The following SPATA46 variants were observed in gnomAD, a reference collection of about 807,000 sequenced individuals.
SPATA46 encodes spermatogenesis-associated protein 46.
A neutral mutation model predicts 6.2 loss-of-function variants in SPATA46; 3 were observed. The ratio of observed to expected loss-of-function variants is 0.48; its 90% confidence interval spans 0.22 to 1.25. The LOEUF (loss-of-function observed/expected upper bound fraction) is 1.25, where lower values mean the gene tolerates loss of function less well. SPATA46 is among the 50% of genes most tolerant of loss of function. The pLI, the probability that SPATA46 is intolerant of heterozygous loss-of-function variation, is 0.20. For missense variants in SPATA46, 308 were observed against 323.5 expected (o/e 0.95, Z 0.37); for synonymous variants, 117 against 123.3 (o/e 0.95, Z 0.34).
chr1:162,375,177 C>T (rs2101840923), intron 2 of SPATA46, 113 bp downstream of exon 2: 5 of 897,872 alleles, frequency 5.6e-6, no homozygotes, highest in East Asian at 2.4e-5. Context: ...CTGCAGGTGA[C>T]AAGACCGCGC....
chr1:162,374,234 G>A lies in SPATA46; in HGVS notation c.600C>T (p.Ser200=), dbSNP rs1383696811. 6.2e-7 allele frequency: 1 copy of A among 1,613,870 alleles called. No homozygotes were observed. The highest frequency in any genetic ancestry group is 8.5e-7 in the Non-Finnish European group (1 of 1,179,782). Residue 200 remains serine, a synonymous_variant, in exon 3 of 3, where the codon AGC becomes AGT. Transcript: ENST00000367935. The part of the protein sequence containing the change: ...RMYPTLDFLK[S]HIKRGFREGF... ...CCTCCCTGAAGCCCCTCTTGATGTG[G>A]CTCTTGAGGAAGTCCAGGGTGGGGT...
Position 162,375,350 on chromosome 1 carries a change from G to A in SPATA46, c.157C>T (p.Pro53Ser). ...TEASSPAQAL[P>S]PQYQSIIVRQ... The stretch of plus-strand genomic sequence containing the variant: ...ACAATGATGCTTTGGTACTGGGGTG[G>A]CAGGGCCTGAGCTGGGCTGGATGCC... The change falls in exon 2 of 3, where the codon CCA (proline) becomes TCA (serine). Residue 53 changes from proline (P) to serine (S), a missense_variant. Physicochemically the swap from Pro to Ser is moderately conservative, Grantham distance 74. Transcript: ENST00000367935. 6.2e-7 allele frequency: 1 copy of A among 1,614,134 alleles called. No individual in the cohort carries two copies. The highest frequency in any genetic ancestry group is 8.5e-7 in the Non-Finnish European group (1 of 1,180,022).
chr1:162,375,769 C>T (rs1647638816), intron 1 of SPATA46, among the ~76,000 whole-genome samples: 1 of 152,182 alleles, frequency 6.6e-6, no homozygotes, highest in African/African-American at 2.4e-5. Context: ...TCACAGGCTG[C>T]AGAGCAATGT....
Position 162,374,514 on chromosome 1 carries a change from T to C in SPATA46, c.320A>G (p.Lys107Arg), listed in dbSNP as rs1283882099. ...GTCATAGGCCTCCAGCTGGCTCTCTTTGTCTGCACACACGAAGTAGCTGTA... is the reference window on the plus strand; with the variant it reads ...GTCATAGGCCTCCAGCTGGCTCTCTCTGTCTGCACACACGAAGTAGCTGTA... ...SPYSYFVCADKESQLEAYDFP... is the reference protein window; with the variant it reads ...SPYSYFVCADRESQLEAYDFP... Residue 107 changes from lysine to arginine, a missense_variant, in exon 3 of 3, where the codon AAA (lysine) becomes AGA (arginine). Physicochemically the swap from Lys to Arg is conservative, Grantham distance 26 (BLOSUM62 2). Transcript: ENST00000367935. The C allele has an allele frequency of 1.9e-6, 3 of 1,614,052 alleles. No individual in the cohort carries two copies. The South Asian group carries it at 3.3e-5, about 18-fold the overall frequency.
chr1:162,376,320 A>G (rs1050906679), intron 1 of SPATA46, among the ~76,000 whole-genome samples: 1 of 152,096 alleles, frequency 6.6e-6, no homozygotes, highest in African/African-American at 2.4e-5. Flanking sequence ...CCACCTTGAG[A>G]TTTCATGCAC....
In SPATA46 at chr1:162,373,290, G is replaced by A. The variant is rs180795238; in HGVS notation, c.*758C>T. 1 of 152,362 alleles carries A rather than the reference G, an allele frequency of 6.6e-6. No homozygotes were observed. Among genetic ancestry groups the A allele is most frequent in the Admixed American group, 6.5e-5 (1 of 15,308 alleles). 9.4% of individuals were successfully genotyped at this position (152,362 alleles called of 1,614,324 possible). Reference sequence around the variant, plus strand: ...AGGTTCACTCAGAAATGGAGGCAGAGTCAGGGCTGCCCACTGGACACATTA... The same window carrying A: ...AGGTTCACTCAGAAATGGAGGCAGAATCAGGGCTGCCCACTGGACACATTA... On this transcript the variant is annotated 3_prime_UTR_variant, in exon 3 of 3. Transcript: ENST00000367935.
At position 162,375,300 on chromosome 1, in the gene SPATA46, C is replaced by T. The variant is rs760949408; in HGVS notation, c.207G>A (p.Ala69=). The T allele has an allele frequency of 6.2e-7, 1 of 1,612,948 alleles. No individual in the cohort carries two copies. The highest frequency in any genetic ancestry group is 1.3e-5 in the African/African-American group (1 of 74,892). The change falls in exon 2 of 3, where the codon GCG becomes GCA. Residue 69 remains alanine, a synonymous_variant. Coordinates refer to ENST00000367935, the MANE Select transcript of SPATA46 (RefSeq NM_182581.4). ...IIVRQGIQNT[A]LSPDCSLGDT... ...CAGAGAAGTCCTCACCTGGTGAGAG[C>T]GCTGTGTTCTGTATCCCTTGCCTGA...
rs766797888 is a variant in SPATA46 at position 162,374,619 on chromosome 1, G to A, written c.218-3C>T. On this transcript the variant is annotated splice_region_variant and splice_polypyrimidine_tract_variant and intron_variant, in intron 2 of 2. Coordinates refer to ENST00000367935, the MANE Select transcript of SPATA46 (RefSeq NM_182581.4). ...CTGGGTATCCCCCAAGCTGCAGTCT[G>A]CAAAGGAAAGGACCAGGTCTGAGTC... 1.3e-5 allele frequency: 21 copies of A among 1,603,670 alleles called. No homozygotes were observed. The East Asian group carries it at 4.2e-4, about 32-fold the overall frequency.
intron 1 of SPATA46, among the ~76,000 whole-genome samples, chr1:162,376,346 A>T (rs542557741): frequency 7.2e-5 from 11 of 151,954 alleles, no homozygotes; most frequent in South Asian, 2.1e-4. Flanking sequence ...AGGGGGAAAA[A>T]CTTGATGATA....
rs1411045753 is a variant in SPATA46, at chr1:162,373,210, A to T, written c.*838T>A. 6.6e-6 allele frequency: 1 copy of T among 152,182 alleles called. No homozygotes were observed. The highest frequency in any genetic ancestry group is 2.4e-5 in the African/African-American group (1 of 41,430). The allele number at this position is 152,182 out of a possible 1,614,324, so 9.4% of individuals were successfully genotyped here. Reference sequence around the variant, plus strand: ...AAAAACCACATTACAGTCAAGATAGATGTCTCTGCTGCATCCCTGATGCTT... The same window carrying T: ...AAAAACCACATTACAGTCAAGATAGTTGTCTCTGCTGCATCCCTGATGCTT... On this transcript the variant is annotated 3_prime_UTR_variant, in exon 3 of 3. Coordinates refer to ENST00000367935, the MANE Select transcript of SPATA46 (RefSeq NM_182581.4).
intron 1 of SPATA46, 55 bp from the exon 2 acceptor site, chr1:162,375,458 G>A: frequency 6.9e-7 from 1 of 1,440,214 alleles, no homozygotes; most frequent in Admixed American, 1.7e-5. Context: ...TCCACTTTCT[G>A]GGACTCCCCC....
At position 162,375,395 on chromosome 1, in the gene SPATA46, T is replaced by C; in HGVS notation, c.112A>G (p.Lys38Glu). Residue 38 changes from lysine (K) to glutamate (E), a missense_variant, in exon 2 of 3, where the codon AAG becomes GAG. Lys to Glu is a moderately conservative substitution (Grantham distance 56). Coordinates refer to ENST00000367935, the MANE Select transcript of SPATA46 (RefSeq NM_182581.4). ...SRATSLPDIA[K>E]TAVPTEASSP... ...GATGCCTCAGTGGGTACTGCTGTCT[T>C]TGCAATGTCTGGGTTATAGAAGAAA... 8 of 1,613,844 alleles carry C rather than the reference T, an allele frequency of 5.0e-6. No individual in the cohort carries two copies. The highest frequency in any genetic ancestry group is 6.8e-6 in the Non-Finnish European group (8 of 1,179,808).
chr1:162,374,907 C>A (rs949137006), intron 2 of SPATA46, among the ~76,000 whole-genome samples: 4 of 152,184 alleles, frequency 2.6e-5, no homozygotes, highest in African/African-American at 7.2e-5. Context: ...CCTGGAGACA[C>A]CATGTCCACT....
At position 162,374,153 on chromosome 1, in the gene SPATA46, C is replaced by T. The variant is rs1403392398; in HGVS notation, c.681G>A (p.Gln227=). Residue 227 remains glutamine (Q), a synonymous_variant, in exon 3 of 3, where the codon CAG becomes CAA. Transcript: ENST00000367935. Reference sequence around the variant, plus strand: ...AGAGCCTGTCTCCCAGCCGGGCCTTCTGCTCCTTGCTCCAGAGGGCTTTGA... The same window carrying T: ...AGAGCCTGTCTCCCAGCCGGGCCTTTTGCTCCTTGCTCCAGAGGGCTTTGA... ...RKLKALWSKE[Q]KARLGDRLSS... 12 of 1,614,156 alleles carry T rather than the reference C, an allele frequency of 7.4e-6. No homozygotes were observed. The highest frequency in any genetic ancestry group is 9.3e-6 in the Non-Finnish European group (11 of 1,180,056).
At chr1:162,375,705 C>T (rs187673453) in intron 1 of SPATA46, among the ~76,000 whole-genome samples, 11 of 152,304 alleles carry the variant, frequency 7.2e-5, no homozygotes, top group East Asian at 5.8e-4. Flanking sequence ...CATCTCATCA[C>T]GCGGATGGCT....
intron 1 of SPATA46, among the ~76,000 whole-genome samples, chr1:162,376,115 C>G (rs1231389781): frequency 1.3e-5 from 2 of 152,070 alleles, no homozygotes; most frequent in East Asian, 3.9e-4. Flanking sequence ...CTAACAAGCT[C>G]CCAGACGATG....
chr1:162,375,301 G>A lies in SPATA46; in HGVS notation c.206C>T (p.Ala69Val), dbSNP rs164181. Residue 69 changes from alanine to valine, a missense_variant, in exon 2 of 3, where the codon GCG becomes GTG. Transcript: ENST00000367935. ...AGAGAAGTCCTCACCTGGTGAGAGC[G>A]CTGTGTTCTGTATCCCTTGCCTGAC... Reference protein sequence around the residue: ...IIVRQGIQNTALSPDCSLGDT... With the variant: ...IIVRQGIQNTVLSPDCSLGDT... 0.99 allele frequency: 1,591,705 copies of A among 1,613,244 alleles called. 786,466 individuals are homozygous for A. The highest frequency in any genetic ancestry group is 1 in the East Asian group (44,865 of 44,866).
intron 1 of SPATA46, 44 bp from the exon 2 acceptor site, chr1:162,375,447 T>G: frequency 6.5e-7 from 1 of 1,542,126 alleles, no homozygotes; most frequent in Non-Finnish European, 9.0e-7. Flanking sequence ...AAGGTTGGGA[T>G]TCCACTTTCT....
In SPATA46 at chr1:162,374,407, A is replaced by G; in HGVS notation, c.427T>C (p.Ser143Pro). Residue 143 changes from serine to proline, a missense_variant, in exon 3 of 3, where the codon TCC becomes CCC. Transcript: ENST00000367935. ...CGAGGGCAAGTGTTCTCTGGGGAGG[A>G]AGAGGACGAACAGATGTTCTCAGCC... The part of the protein sequence containing the change: ...DMAENICSSS[S>P]SPENTCPREA... 1 of 1,614,174 alleles carries G rather than the reference A, an allele frequency of 6.2e-7. No homozygotes were observed. The highest frequency in any genetic ancestry group is 1.6e-4 in the Middle Eastern group (1 of 6,062).
Sources: gnomAD v4.1 joint callset for allele counts (sites outside exome capture counted in the v4.1 genomes callset) on GRCh38, gnomAD v4.1.1 for gene constraint, MANE v1.5 for transcripts, NCBI Gene and HGNC (gene_info 2026-07-23, HGNC 2026-07-21) for gene names.